The following KDM6A variants were observed in gnomAD, a reference collection of about 807,000 sequenced individuals.
KDM6A encodes lysine-specific demethylase 6A.
In KDM6A, 11 loss-of-function variants were observed where a neutral mutation model predicts 117.6. The ratio of observed to expected loss-of-function variants is 0.09; its 90% confidence interval spans 0.06 to 0.15. KDM6A has a LOEUF of 0.15. Ranked by LOEUF, KDM6A falls within the 10% of genes least tolerant of loss-of-function variation. The pLI, the probability that KDM6A is intolerant of heterozygous loss-of-function variation, is 1.00. For synonymous variants in KDM6A, 384 were observed against 396.1 expected (o/e 0.97, Z 0.36); for missense variants, 799 against 1,077.3 (o/e 0.74, Z 3.62).
At chrX:45,023,024 CTT>C (rs2042233981) in intron 6 of KDM6A, among the ~76,000 whole-genome samples, 1 of 112,248 alleles carries the variant, frequency 8.9e-6, no homozygotes. Context: ...CTGTTGATCT[CTT>C]CAAAAATACT....
intron 21 of KDM6A, among the ~76,000 whole-genome samples, chrX:45,080,615 A>G (rs1157434797): frequency 8.9e-6 from 1 of 112,062 alleles, no homozygotes; most frequent in Non-Finnish European, 1.9e-5. Context: ...TTCAATCAAG[A>G]TAGCATTTCT....
intron 19 of KDM6A, 131 bp from the exon 20 acceptor site, chrX:45,078,269 G>A: frequency 1.6e-6 from 1 of 611,832 alleles, no homozygotes; most frequent in South Asian, 3.1e-5. Flanking sequence ...ATAAGATACT[G>A]TCAAATAGAA....
chrX:44,883,837 C>T (rs905234272), intron 2 of KDM6A, among the ~76,000 whole-genome samples: 15 of 111,022 alleles, frequency 1.4e-4, no homozygotes, highest in African/African-American at 4.6e-4. Flanking sequence ...TGGAGGCTCA[C>T]GCCTGTTGTA....
chrX:45,108,187 A>C (rs986888155), intron 28 of KDM6A, among the ~76,000 whole-genome samples: 2 of 111,548 alleles, frequency 1.8e-5, no homozygotes, highest in African/African-American at 6.5e-5. Context: ...GTATGATATC[A>C]AGTAGACTAA....
At chrX:44,932,341 C>G (rs2036683752) in intron 2 of KDM6A, among the ~76,000 whole-genome samples, 1 of 109,185 alleles carries the variant, frequency 9.2e-6, no homozygotes, top group Non-Finnish European at 1.9e-5. Flanking sequence ...CAACTCCTGA[C>G]CTCAGGTGGT....
intron 2 of KDM6A, among the ~76,000 whole-genome samples, chrX:44,915,549 T>C (rs1392256099): frequency 8.9e-6 from 1 of 112,329 alleles, no homozygotes. Flanking sequence ...GGTTTCACTT[T>C]GTGTGGTTTC....
chrX:44,954,633 T>A (rs1339327100), intron 2 of KDM6A, among the ~76,000 whole-genome samples: 1 of 111,077 alleles, frequency 9.0e-6, no homozygotes, highest in South Asian at 3.7e-4. Flanking sequence ...TGATGTGGGG[T>A]TGGAGTAGAG....
chrX:44,962,925 TTAAAA>T (rs2038755518), intron 3 of KDM6A, among the ~76,000 whole-genome samples: 1 of 111,550 alleles, frequency 9.0e-6, no homozygotes, highest in African/African-American at 3.3e-5. Flanking sequence ...TGGCAGTTTG[TTAAAA>T]TAAGAAAACA....
At chrX:44,917,879 A>C (rs968672216) in intron 2 of KDM6A, among the ~76,000 whole-genome samples, 1 of 112,244 alleles carries the variant, frequency 8.9e-6, no homozygotes, top group Non-Finnish European at 1.9e-5. Flanking sequence ...AATAATGTCT[A>C]GTTAAGCAAA....
At chrX:44,977,635 G>T (rs2039679286) in intron 4 of KDM6A, among the ~76,000 whole-genome samples, 1 of 111,319 alleles carries the variant, frequency 9.0e-6, no homozygotes, top group Non-Finnish European at 1.9e-5. Context: ...GTGTTGAAGG[G>T]TATTTGCTCC....
chrX:45,009,447 C>T (rs1473353076), intron 4 of KDM6A, among the ~76,000 whole-genome samples: 1 of 111,553 alleles, frequency 9.0e-6, no homozygotes, highest in Non-Finnish European at 1.9e-5. Flanking sequence ...TGGCTGGCTT[C>T]TTTACTGCAA....
chrX:44,972,693 A>C (rs1377400560), intron 3 of KDM6A, among the ~76,000 whole-genome samples: 2 of 111,455 alleles, frequency 1.8e-5, no homozygotes, highest in Non-Finnish European at 3.8e-5. Flanking sequence ...AATATGAACC[A>C]GGAAAATCTG....
At chrX:44,878,800 C>CA (rs2031950958) in intron 2 of KDM6A, among the ~76,000 whole-genome samples, 1 of 110,608 alleles carries the variant, frequency 9.0e-6, no homozygotes, top group Non-Finnish European at 1.9e-5. Flanking sequence ...CGGCTCACTG[C>CA]AACCTCGGTC....
At chrX:44,929,366 C>T (rs1243187596) in intron 2 of KDM6A, among the ~76,000 whole-genome samples, 3 of 109,992 alleles carry the variant, frequency 2.7e-5, no homozygotes, top group Non-Finnish European at 5.7e-5. Flanking sequence ...CTTTCTACCA[C>T]GTTAGATTAG....
intron 15 of KDM6A, 64 bp downstream of exon 15, chrX:45,061,483 A>ATTTTTTT (rs1161774144): frequency 4.3e-5 from 10 of 234,694 alleles, no homozygotes; most frequent in South Asian, 1.0e-4. Context: ...ACAAGTATTA[A>ATTTTTTT]TTTTTTTTTT....
chrX:44,938,100 C>G (rs2037080805), intron 2 of KDM6A, among the ~76,000 whole-genome samples: 1 of 111,764 alleles, frequency 8.9e-6, no homozygotes, highest in African/African-American at 3.3e-5. Context: ...CTCAGCCTCT[C>G]AAGTAGCTGG....
intron 2 of KDM6A, among the ~76,000 whole-genome samples, chrX:44,896,254 T>G (rs1418083239): frequency 1.8e-5 from 2 of 109,787 alleles, no homozygotes; most frequent in African/African-American, 6.6e-5. Context: ...TTTTGTATTT[T>G]TTTTAGTAGA....
intron 2 of KDM6A, among the ~76,000 whole-genome samples, chrX:44,934,858 G>GA (rs2036877582): frequency 9.0e-6 from 1 of 111,160 alleles, no homozygotes; most frequent in African/African-American, 3.3e-5. Flanking sequence ...GATGAGTCAG[G>GA]AAAAAAGAAT....
At chrX:44,966,123 C>CAT (rs1176798778) in intron 3 of KDM6A, among the ~76,000 whole-genome samples, 14 of 106,417 alleles carry the variant, frequency 1.3e-4, no homozygotes, top group African/African-American at 3.8e-4. Flanking sequence ...TTATTTTTCA[C>CAT]ATATATATAT....
Sources: allele counts gnomAD v4.1 joint callset (sites outside exome capture counted in the v4.1 genomes callset), GRCh38; gene constraint gnomAD v4.1.1; transcripts MANE v1.5; gene names NCBI Gene and HGNC (gene_info 2026-07-23, HGNC 2026-07-21).